TRPM3: variants seen among roughly 807,000 people sequenced by gnomAD.
TRPM3 encodes the protein long transient receptor potential channel 3.
Under a neutral mutation model 181.2 loss-of-function variants are expected in TRPM3, and 77 were observed. That is an observed-to-expected ratio of 0.42 (90% confidence interval 0.35 to 0.51). The LOEUF (loss-of-function observed/expected upper bound fraction) is 0.51. TRPM3 is among the 20% of genes least tolerant of loss of function. The pLI, the probability that TRPM3 is intolerant of heterozygous loss-of-function variation, is 0.01. For missense variants in TRPM3, 1,759 were observed against 2,196.7 expected, an observed-to-expected ratio of 0.80 and a Z score of 3.98; for synonymous variants, 745 against 796.4, an observed-to-expected ratio of 0.94 and a Z score of 1.09.
intron 1 of TRPM3, among the ~76,000 whole-genome samples, chr9:71,007,742 T>C (rs1373890598): frequency 1.3e-5 from 2 of 151,976 alleles, no homozygotes; most frequent in Non-Finnish European, 2.9e-5. Flanking sequence ...TGAATACAAA[T>C]GAACACAGCA....
intron 1 of TRPM3, among the ~76,000 whole-genome samples, chr9:70,946,285 G>C (rs1466496839): frequency 6.6e-6 from 1 of 151,984 alleles, no homozygotes; most frequent in Non-Finnish European, 1.5e-5. Context: ...GATTAAAGAT[G>C]TTGAGTTTTT....
intron 1 of TRPM3, among the ~76,000 whole-genome samples, chr9:70,989,157 C>A (rs7047569): frequency 6.6e-6 from 1 of 152,158 alleles, no homozygotes; most frequent in South Asian, 2.1e-4. Context: ...ATATACATAT[C>A]ATGGAATCAT....
At chr9:70,805,237 T>C (rs140339615) in intron 6 of TRPM3, among the ~76,000 whole-genome samples, 1,784 of 79,144 alleles carry the variant, frequency 0.023, 36 homozygotes, top group African/African-American at 0.078. Flanking sequence ...GGGGAGGTGG[T>C]GGTGGGGGGA....
In TRPM3 at chr9:70,929,776, TA is replaced by T. The variant is rs370731447; in HGVS notation, c.178-65266del. Among the ~76,000 whole-genome samples, 63 of 152,324 alleles carry T rather than the reference TA, an allele frequency of 4.1e-4. 2 individuals carry two copies. In the South Asian group the frequency reaches 0.012, roughly 29 times the overall value. On this transcript the variant is annotated intron_variant, in intron 1 of 25. Transcript: ENST00000677713. Reference sequence around the variant, plus strand: ...AGCTCAGTAAGTGCTTGAACATATTTAAAAAGGTTTTTGTTTGTTTTTACTT... The same window carrying T: ...AGCTCAGTAAGTGCTTGAACATATTTAAAAGGTTTTTGTTTGTTTTTACTT...
At chr9:71,206,464 C>A (rs1472514170) in intron 1 of TRPM3, among the ~76,000 whole-genome samples, 2 of 151,692 alleles carry the variant, frequency 1.3e-5, no homozygotes, top group Admixed American at 1.3e-4. Flanking sequence ...AATTTAAGTT[C>A]CTTGTAGATT....
chr9:70,557,918 C>T (rs905664165), intron 22 of TRPM3, among the ~76,000 whole-genome samples: 3 of 152,166 alleles, frequency 2.0e-5, no homozygotes, highest in Non-Finnish European at 4.4e-5. Context: ...GTATATTTCC[C>T]CATCCTAGTT....
At chr9:71,384,125 G>A (rs1164330866) in intron 1 of TRPM3, among the ~76,000 whole-genome samples, 1 of 152,142 alleles carries the variant, frequency 6.6e-6, no homozygotes, top group African/African-American at 2.4e-5. Context: ...GCTAATTGAT[G>A]TTCATATACA....
chr9:71,286,981 T>A (rs2085339186), intron 1 of TRPM3, among the ~76,000 whole-genome samples: 1 of 140,986 alleles, frequency 7.1e-6, no homozygotes, highest in South Asian at 2.1e-4. Context: ...TATAATTATA[T>A]TATATAATTA....
intron 1 of TRPM3, among the ~76,000 whole-genome samples, chr9:71,409,178 T>G (rs1419446226): frequency 6.6e-6 from 1 of 152,142 alleles, no homozygotes; most frequent in Non-Finnish European, 1.5e-5. Flanking sequence ...AGACCATCGA[T>G]GCTAGGAAGA....
At chr9:71,322,526 C>G (rs1257491596) in intron 1 of TRPM3, among the ~76,000 whole-genome samples, 1 of 152,052 alleles carries the variant, frequency 6.6e-6, no homozygotes, top group African/African-American at 2.4e-5. Context: ...TTAGACTATA[C>G]CAGCATGCTC....
chr9:70,759,278 A>G (rs1255495918), intron 8 of TRPM3, among the ~76,000 whole-genome samples: 5 of 152,218 alleles, frequency 3.3e-5, no homozygotes, highest in Non-Finnish European at 7.3e-5. Flanking sequence ...CAAAACTACA[A>G]TGAGATAGCA....
At chr9:71,162,597 A>G (rs1376539035) in intron 1 of TRPM3, among the ~76,000 whole-genome samples, 1 of 152,176 alleles carries the variant, frequency 6.6e-6, no homozygotes. Context: ...ATTAAATTAC[A>G]CAAGTGGAAT....
intron 19 of TRPM3, among the ~76,000 whole-genome samples, chr9:70,608,717 G>A (rs1049170287): frequency 3.3e-5 from 5 of 152,042 alleles, no homozygotes; most frequent in African/African-American, 1.2e-4. Flanking sequence ...GTGAACACCT[G>A]TAATCCCAGC....
At chr9:70,896,166 G>GTGTT (rs369641686) in intron 1 of TRPM3, among the ~76,000 whole-genome samples, 5 of 152,236 alleles carry the variant, frequency 3.3e-5, no homozygotes, top group Middle Eastern at 3.4e-3. Flanking sequence ...TCATAAAAAT[G>GTGTT]TGTTTGTTTG....
intron 8 of TRPM3, among the ~76,000 whole-genome samples, chr9:70,754,591 G>A (rs2076734959): frequency 6.6e-6 from 1 of 152,088 alleles, no homozygotes; most frequent in Non-Finnish European, 1.5e-5. Context: ...TTTTCATGAG[G>A]CCACAGCACC....
At chr9:70,951,368 G>GTA (rs2096997427) in intron 1 of TRPM3, among the ~76,000 whole-genome samples, 1 of 152,212 alleles carries the variant, frequency 6.6e-6, no homozygotes, top group Non-Finnish European at 1.5e-5. Context: ...TTGAGATGAA[G>GTA]TATTGCTTTG....
intron 1 of TRPM3, among the ~76,000 whole-genome samples, chr9:71,025,621 C>T (rs978943068): frequency 2.0e-4 from 30 of 152,202 alleles, no homozygotes; most frequent in Middle Eastern, 3.4e-3. Context: ...ATATGTAGCG[C>T]GCAGAAACAA....
chr9:71,159,524 T>A (rs944908013), intron 1 of TRPM3, among the ~76,000 whole-genome samples: 5 of 152,090 alleles, frequency 3.3e-5, no homozygotes, highest in African/African-American at 1.2e-4. Flanking sequence ...TTTAAAAAAA[T>A]CCTAACGAAC....
intron 1 of TRPM3, among the ~76,000 whole-genome samples, chr9:70,923,843 T>TACAC (rs1319803452): frequency 8.2e-6 from 1 of 121,784 alleles, no homozygotes; most frequent in Non-Finnish European, 1.9e-5. Flanking sequence ...TATATATATA[T>TACAC]ACACACACAC....
Sources: allele counts gnomAD v4.1 joint callset (sites outside exome capture counted in the v4.1 genomes callset), GRCh38; gene constraint gnomAD v4.1.1; transcripts MANE v1.5; gene names NCBI Gene and HGNC (gene_info 2026-07-23, HGNC 2026-07-21).